Variants in PTP4A1 observed in about 807,000 individuals in gnomAD.
The protein encoded by PTP4A1 is protein tyrosine phosphatase 4A1, also known as protein tyrosine phosphatase type IVA 1.
PTP4A1 carries 9 observed loss-of-function variants against 20.5 expected under a neutral mutation model. That is an observed-to-expected ratio of 0.44 (90% confidence interval 0.26 to 0.77). The LOEUF is 0.77. PTP4A1 is among the 30% of genes least tolerant of loss of function. The pLI is 0.19. For synonymous variants in PTP4A1, 78 were observed against 67.4 expected (o/e 1.16, Z -0.77); for missense variants, 137 against 218.8 (o/e 0.63, Z 2.36).
At chr6:63,565,635 A>G (rs573692587) in intron 3 of PTP4A1, among the ~76,000 whole-genome samples, 1 of 152,268 alleles carries the variant, frequency 6.6e-6, no homozygotes, top group African/African-American at 2.4e-5. Flanking sequence ...ACTCAACAAA[A>G]CACAGTAGCC....
At chr6:63,544,500 C>T (rs1311737237) in intron 2 of PTP4A1, among the ~76,000 whole-genome samples, 3 of 151,350 alleles carry the variant, frequency 2.0e-5, no homozygotes, top group African/African-American at 7.3e-5. Flanking sequence ...ATAGTCTTAG[C>T]TCATCTACAC....
chr6:63,579,738 T>TA (rs1371162641), intron 5 of PTP4A1, among the ~76,000 whole-genome samples: 1 of 152,232 alleles, frequency 6.6e-6, no homozygotes, highest in Non-Finnish European at 1.5e-5. Flanking sequence ...GTGGCTTTTG[T>TA]AGTCATCTTC....
At chr6:63,532,922 A>C (rs974509103) in intron 2 of PTP4A1, among the ~76,000 whole-genome samples, 7 of 152,232 alleles carry the variant, frequency 4.6e-5, no homozygotes, top group Non-Finnish European at 8.8e-5. Context: ...AATGTATTGC[A>C]CTAAGGTATT....
chr6:63,554,623 C>A (rs1010023515), intron 3 of PTP4A1, among the ~76,000 whole-genome samples: 9 of 152,072 alleles, frequency 5.9e-5, no homozygotes, highest in Non-Finnish European at 1.2e-4. Context: ...CATGGTGAAA[C>A]CCATCTCTAC....
At chr6:63,572,448 G>T (rs1237217985), upstream of PTP4A1, 6 of 378,798 alleles carry the variant, frequency 1.6e-5, no homozygotes, top group Non-Finnish European at 2.8e-5. Flanking sequence ...CGTCGCGCCG[G>T]CTATAAAGGG....
chr6:63,559,114 C>T (rs1414839465), intron 3 of PTP4A1, among the ~76,000 whole-genome samples: 1 of 152,190 alleles, frequency 6.6e-6, no homozygotes, highest in Non-Finnish European at 1.5e-5. Flanking sequence ...CAATGATGTT[C>T]ACCATGTCCA....
intron 1 of PTP4A1, among the ~76,000 whole-genome samples, 200 bp from the exon 2 acceptor site, chr6:63,576,232 AATCT>A (rs1271451470): frequency 2.6e-5 from 4 of 151,802 alleles, no homozygotes; most frequent in Admixed American, 6.6e-5. Context: ...ATTTCAGTTT[AATCT>A]ATCTGACTGC....
intron 2 of PTP4A1, chr6:63,549,231 G>T (rs1776330754): frequency 1.4e-6 from 1 of 731,848 alleles, no homozygotes; most frequent in South Asian, 1.4e-5. Flanking sequence ...AAGTAGCAGA[G>T]CAGCTGTTTG....
In PTP4A1 at chr6:63,580,558, T is replaced by C. The variant is rs1778164122; in HGVS notation, c.*384T>C. 1 of 165,448 alleles carries C rather than the reference T, an allele frequency of 6.0e-6. No individual in the cohort carries two copies. Among genetic ancestry groups the C allele is most frequent in the Non-Finnish European group, 1.3e-5 (1 of 75,152 alleles). The allele number at this position is 165,448 out of a possible 1,614,324, so 10.2% of individuals were successfully genotyped here. On this transcript the variant is annotated 3_prime_UTR_variant, in exon 6 of 6. Transcript: ENST00000626021. ...CAGCACAATACTTGTATATTTTTAGTACCATACAGAAGTAAAATCCCAGGA... is the reference window on the plus strand; with the variant it reads ...CAGCACAATACTTGTATATTTTTAGCACCATACAGAAGTAAAATCCCAGGA...
upstream of PTP4A1, chr6:63,571,177 A>T (rs1777407264): frequency 6.6e-6 from 1 of 152,134 alleles, no homozygotes; most frequent in South Asian, 2.1e-4. Flanking sequence ...TTGTTTTTTT[A>T]AAGTTCTTAT....
chr6:63,552,022 T>G (rs551754443), intron 3 of PTP4A1, among the ~76,000 whole-genome samples: 2 of 152,354 alleles, frequency 1.3e-5, no homozygotes, highest in Non-Finnish European at 2.9e-5. Context: ...TGTGTCTTTA[T>G]AGCAGCATGA....
rs138809373 is a variant in PTP4A1 at position 63,549,258 on chromosome 6, G to A, written c.-639-1042G>A. 1.4e-4 allele frequency: 107 copies of A among 749,368 alleles called. No homozygotes were observed. In the African/African-American group the frequency reaches 1.7e-3, roughly 12 times the overall value. 46.4% of individuals were successfully genotyped at this position (749,368 alleles called of 1,614,324 possible). ...AGCTGTTTGGTGGTCCAGGGCCTGG[G>A]TGAACTGGTTAATCTCAGGAGGCAC... On this transcript the variant is annotated intron_variant, in intron 2 of 3. Coordinates refer to the PTP4A1 transcript ENST00000639568.
intron 2 of PTP4A1, chr6:63,548,761 T>C: frequency 2.8e-6 from 2 of 703,010 alleles, no homozygotes; most frequent in East Asian, 2.5e-5. Flanking sequence ...AGCTTGCCAA[T>C]GCAAGCCACA....
At chr6:63,524,998 G>A (rs200905534) in intron 1 of PTP4A1, among the ~76,000 whole-genome samples, 2 of 152,182 alleles carry the variant, frequency 1.3e-5, no homozygotes, top group East Asian at 3.8e-4. Flanking sequence ...TAGTGGAGTT[G>A]AGCATGTCAC....
Position 63,580,409 on chromosome 6 carries a change from T to C in PTP4A1, c.*235T>C. On this transcript the variant is annotated 3_prime_UTR_variant, in exon 6 of 6. Transcript: ENST00000626021. ...GCTGTCAGCATATAAAATGTGCTTG[T>C]CATTTGTATCAATTGACCTTTCCCC... 1 of 442,566 alleles carries C rather than the reference T, an allele frequency of 2.3e-6. No individual in the cohort carries two copies. Among genetic ancestry groups the C allele is most frequent in the East Asian group, 3.6e-5 (1 of 27,724 alleles). The allele number at this position is 442,566 out of a possible 1,614,324, so 27.4% of individuals were successfully genotyped here. A position where few individuals can be genotyped will look rare whatever the true frequency, so the allele number is the denominator to read the frequency against.
intron 2 of PTP4A1, among the ~76,000 whole-genome samples, chr6:63,531,093 C>G (rs1775437724): frequency 6.6e-6 from 1 of 152,114 alleles, no homozygotes; most frequent in African/African-American, 2.4e-5. Context: ...AAAGATAGAT[C>G]AGGTTTCAAG....
intron 2 of PTP4A1, among the ~76,000 whole-genome samples, chr6:63,534,053 G>A (rs372580397): frequency 2.6e-5 from 4 of 151,910 alleles, no homozygotes; most frequent in Non-Finnish European, 4.4e-5. Context: ...CATTTTGGCA[G>A]GCTAGTCTAG....
At chr6:63,572,818 G>T in intron 1 of PTP4A1, 99 bp downstream of exon 1, 1 of 396,286 alleles carries the variant, frequency 2.5e-6, no homozygotes, top group Non-Finnish European at 4.5e-6. Flanking sequence ...TCTCCTCCAG[G>T]TTGCCCCGGG....
At chr6:63,578,373 T>TAA in intron 2 of PTP4A1, 64 bp from the exon 3 acceptor site, 2 of 1,520,428 alleles carry the variant, frequency 1.3e-6, no homozygotes, top group Non-Finnish European at 1.8e-6. Context: ...GATCAGAATA[T>TAA]AAAATGTTGA....
Sources: allele counts gnomAD v4.1 joint callset (sites outside exome capture counted in the v4.1 genomes callset), GRCh38; gene constraint gnomAD v4.1.1; transcripts MANE v1.5; gene names NCBI Gene and HGNC (gene_info 2026-07-23, HGNC 2026-07-21).